Variants in UGT2A2 observed in about 807,000 individuals in gnomAD.
UGT2A2 encodes the protein UDP glucuronosyltransferase family 2 member A2.
UGT2A2 carries 60 observed loss-of-function variants against 50.7 expected under a neutral mutation model. That is an observed-to-expected ratio of 1.18 (90% CI 0.96 to 1.47). The LOEUF is 1.47. Ranked by LOEUF, UGT2A2 falls within the 40% of genes most tolerant of loss-of-function variation. The probability of loss-of-function intolerance (pLI) is 0.00; values close to 1 mark genes in which losing one functional copy is unlikely to be tolerated. For synonymous variants in UGT2A2, 242 were observed against 214.6 expected (o/e 1.13, Z -1.11); for missense variants, 762 against 634.0 (o/e 1.20, Z -2.17).
intron 1 of UGT2A2, among the ~76,000 whole-genome samples, chr4:69,622,314 T>C (rs966277479): frequency 3.3e-5 from 5 of 151,768 alleles, no homozygotes; most frequent in Non-Finnish European, 7.4e-5. Context: ...GAAATTGGCA[T>C]ACAAAAAGTT....
intron 2 of UGT2A2, among the ~76,000 whole-genome samples, chr4:69,597,933 A>C (rs2109887008): frequency 6.6e-6 from 1 of 152,230 alleles, no homozygotes; most frequent in East Asian, 1.9e-4. Context: ...TAATGGCATA[A>C]TGTCTGCTAT....
intron 5 of UGT2A2, 71 bp downstream of exon 5, chr4:69,594,406 A>G (rs1185942728): frequency 6.4e-7 from 1 of 1,552,246 alleles, no homozygotes; most frequent in African/African-American, 1.4e-5. Context: ...AGTATAAAAG[A>G]ATGTACATTT....
Position 69,595,558 on chromosome 4 carries a change from G to A in UGT2A2, c.1024-309C>T, listed in dbSNP as rs1006060588. 2.6e-5 allele frequency among the ~76,000 whole-genome samples: 4 copies of A among 152,140 alleles called. No homozygotes were observed. In the South Asian group the frequency reaches 8.3e-4, roughly 32 times the overall value. ...GTTTAATCAATCACAACATGAAGGG[G>A]AAAAATCATGAAGAGTGTTATGTGC... On this transcript the variant is annotated intron_variant, in intron 3 of 5. Coordinates refer to ENST00000604629, the MANE Select transcript of UGT2A2 (RefSeq NM_001105677.2).
chr4:69,620,697 A>T (rs1480860360), intron 1 of UGT2A2, among the ~76,000 whole-genome samples: 1 of 151,680 alleles, frequency 6.6e-6, no homozygotes, highest in African/African-American at 2.4e-5. Flanking sequence ...AATGCTAAAC[A>T]AAAAGAACGA....
At chr4:69,606,773 C>A (rs1252982197) in intron 1 of UGT2A2, among the ~76,000 whole-genome samples, 1 of 136,222 alleles carries the variant, frequency 7.3e-6, no homozygotes, top group Admixed American at 7.3e-5. Context: ...TCTTATACAC[C>A]AATAACAGAC....
At chr4:69,619,034 T>G (rs1038778701) in intron 1 of UGT2A2, among the ~76,000 whole-genome samples, 6 of 151,856 alleles carry the variant, frequency 4.0e-5, no homozygotes, top group African/African-American at 1.5e-4. Context: ...ATACAATATA[T>G]GTATATACAT....
intron 1 of UGT2A2, among the ~76,000 whole-genome samples, chr4:69,602,723 C>T (rs1003860503): frequency 1.5e-5 from 2 of 137,092 alleles, no homozygotes; most frequent in Non-Finnish European, 3.1e-5. Context: ...CTTATAATTG[C>T]AAAATTGTAT....
chr4:69,612,389 A>G (rs1185549118), intron 1 of UGT2A2, among the ~76,000 whole-genome samples: 1 of 152,072 alleles, frequency 6.6e-6, no homozygotes, highest in Non-Finnish European at 1.5e-5. Context: ...ACATAATTAG[A>G]TAAAAACTAT....
rs4148307 is a variant in UGT2A2, at chr4:69,591,838, T to G, written c.1332-2187A>C. ...TAAAATGAACAAAATTGTCAGCAAC[T>G]AACAACTTTGTAATAGTCTAATTGA... On this transcript the variant is annotated intron_variant, in intron 5 of 5. Coordinates refer to ENST00000604629, the MANE Select transcript of UGT2A2 (RefSeq NM_001105677.2). Among the ~76,000 whole-genome samples the G allele has an allele frequency of 3.3e-3, 504 of 152,124 alleles. 9 individuals are homozygous for G. The highest frequency in any genetic ancestry group is 0.032 in the Admixed American group (485 of 15,286).
At chr4:69,622,738 T>C (rs527858968) in intron 1 of UGT2A2, among the ~76,000 whole-genome samples, 2 of 151,906 alleles carry the variant, frequency 1.3e-5, no homozygotes, top group Non-Finnish European at 2.9e-5. Context: ...GCTGCTATTG[T>C]CTAGCAAAGA....
chr4:69,610,795 T>G (rs1719990421), intron 1 of UGT2A2, among the ~76,000 whole-genome samples: 2 of 152,196 alleles, frequency 1.3e-5, no homozygotes, highest in Admixed American at 6.5e-5. Context: ...ACCCTGATTT[T>G]GGACGTCTAG....
intron 1 of UGT2A2, among the ~76,000 whole-genome samples, chr4:69,635,112 T>C (rs6824954): frequency 0.27 from 41,555 of 151,766 alleles, 6,258 homozygotes; most frequent in African/African-American, 0.38. Flanking sequence ...CACAAGAAAG[T>C]TTAAAAATAA....
At chr4:69,635,032 T>C (rs1721596663) in intron 1 of UGT2A2, among the ~76,000 whole-genome samples, 1 of 152,172 alleles carries the variant, frequency 6.6e-6, no homozygotes, top group Admixed American at 6.5e-5. Flanking sequence ...CTCCAGGATG[T>C]GCTTATTTTA....
rs1415874127 is a variant in UGT2A2 at position 69,639,146 on chromosome 4, A to T, written c.495T>A (p.Gly165=). The T allele has an allele frequency of 6.2e-7, 1 of 1,613,730 alleles. No homozygotes were observed. The highest frequency in any genetic ancestry group is 2.2e-5 in the East Asian group (1 of 44,864). Residue 165 remains glycine (G), a synonymous_variant, in exon 1 of 6, where the codon GGT becomes GGA. Transcript: ENST00000604629. ...TTCCTAATTTCAGAGCAACAAGATC[A>T]CCACAGATTGTTACTGGGTCTGCTA... is the stretch of plus-strand genomic sequence containing the variant. ...VLVADPVTIC[G]DLVALKLGIP...
rs1233769051 is a variant in UGT2A2, at chr4:69,599,374, C to T, written c.763G>A (p.Glu255Lys). The T allele has an allele frequency of 6.2e-7, 1 of 1,613,432 alleles. No homozygotes were observed. The highest frequency in any genetic ancestry group is 8.5e-7 in the Non-Finnish European group (1 of 1,179,840). The change falls in exon 2 of 6, where the codon GAG becomes AAG. Residue 255 changes from glutamate to lysine, a missense_variant. Coordinates refer to ENST00000604629, the MANE Select transcript of UGT2A2 (RefSeq NM_001105677.2). ...CAAATTTCAGCTTTCCCCATAGTCT[C>T]ACATAACGTAGTGGGTCTTCCTGGA... The part of the protein sequence containing the change: ...KILGRPTTLC[E>K]TMGKAEIWLI...
chr4:69,601,712 C>A (rs1170896146), intron 1 of UGT2A2, among the ~76,000 whole-genome samples: 1 of 151,504 alleles, frequency 6.6e-6, no homozygotes, highest in African/African-American at 2.4e-5. Context: ...ATGTAACTCC[C>A]CTGCCACCCC....
At chr4:69,614,721 G>A (rs942106305) in intron 1 of UGT2A2, among the ~76,000 whole-genome samples, 7 of 152,130 alleles carry the variant, frequency 4.6e-5, no homozygotes, top group Admixed American at 3.9e-4. Flanking sequence ...CATTGGGAAA[G>A]GAATGGACTC....
rs748886353 is a variant in UGT2A2 at position 69,639,401 on chromosome 4, A to G, written c.240T>C (p.Phe80=). 1 of 1,613,542 alleles carries G rather than the reference A, an allele frequency of 6.2e-7. No homozygotes were observed. Among genetic ancestry groups the G allele is most frequent in the Admixed American group, 1.7e-5 (1 of 59,980 alleles). Residue 80 remains phenylalanine (F), a synonymous_variant, in exon 1 of 6, where the codon TTT becomes TTC. Transcript: ENST00000604629. ...TCTTGTAGGAAACAGGTATCACTTC[A>G]AAATTCACAGGAGAATCGGGATTGG... ...INSNPDSPVN[F]EVIPVSYKKS...
At chr4:69,600,953 C>G (rs1336092584) in intron 1 of UGT2A2, among the ~76,000 whole-genome samples, 2 of 152,088 alleles carry the variant, frequency 1.3e-5, no homozygotes, top group Non-Finnish European at 2.9e-5. Context: ...TTGGGGATCA[C>G]AATTTGACAT....
Sources: allele counts gnomAD v4.1 joint callset (sites outside exome capture counted in the v4.1 genomes callset), GRCh38; gene constraint gnomAD v4.1.1; transcripts MANE v1.5; gene names NCBI Gene and HGNC (gene_info 2026-07-23, HGNC 2026-07-21).